FTCDNL1: variants seen among roughly 807,000 people sequenced by gnomAD.
The protein encoded by FTCDNL1 is formiminotransferase N-terminal subdomain-containing protein.
In FTCDNL1, 11 loss-of-function variants were observed where a neutral mutation model predicts 5.9. The observed-to-expected ratio is 1.87, with a 90% confidence interval of 1.18 to 3.10. FTCDNL1 has a LOEUF of 3.10. Ranked by LOEUF, FTCDNL1 falls within the 30% of genes most tolerant of loss-of-function variation. The probability of loss-of-function intolerance (pLI) is 0.00; values close to 1 mark genes in which losing one functional copy is unlikely to be tolerated. For synonymous variants in FTCDNL1, 58 were observed against 24.8 expected (o/e 2.34, Z -3.99); for missense variants, 115 against 65.5 (o/e 1.76, Z -2.61).
chr2:199,735,943 C>T, the FTCDNL1 span, among the ~76,000 whole-genome samples: 4 of 152,216 alleles, frequency 2.6e-5, no homozygotes, highest in African/African-American at 9.7e-5. Flanking sequence ...TGTCTATGTA[C>T]ACTACCCTCT....
the FTCDNL1 span, among the ~76,000 whole-genome samples, chr2:199,709,758 T>G: frequency 6.6e-6 from 1 of 152,190 alleles, no homozygotes; most frequent in East Asian, 1.9e-4. Context: ...CAAGTTTTGC[T>G]GACGAGGGAG....
chr2:199,743,083 A>T, the FTCDNL1 span, among the ~76,000 whole-genome samples: 5 of 152,282 alleles, frequency 3.3e-5, no homozygotes, highest in South Asian at 2.1e-4. Flanking sequence ...TCCCTAGGGC[A>T]ATGGGAATAT....
the FTCDNL1 span, among the ~76,000 whole-genome samples, chr2:199,693,654 T>C: frequency 2.6e-5 from 4 of 152,220 alleles, no homozygotes; most frequent in East Asian, 5.8e-4. Flanking sequence ...ATTAACCATA[T>C]GACCTTACTG....
chr2:199,666,910 CAA>C, the FTCDNL1 span, among the ~76,000 whole-genome samples: 17 of 99,346 alleles, frequency 1.7e-4, no homozygotes, highest in Admixed American at 1.1e-4. Flanking sequence ...GAGTCCATCT[CAA>C]AAAAAAAAAA....
At chr2:199,673,137 G>T in the FTCDNL1 span, among the ~76,000 whole-genome samples, 2 of 151,944 alleles carry the variant, frequency 1.3e-5, no homozygotes, top group African/African-American at 4.8e-5. Flanking sequence ...AGATCAGCCT[G>T]GTCAACATGG....
At chr2:199,840,192 T>C (rs181171666) in intron 3 of FTCDNL1, among the ~76,000 whole-genome samples, 1 of 152,326 alleles carries the variant, frequency 6.6e-6, no homozygotes, top group Non-Finnish European at 1.5e-5. Flanking sequence ...GTGTTCTATC[T>C]GAATGCATGG....
rs891284361 is a variant in FTCDNL1 at position 199,850,814 on chromosome 2, G to A, written c.-82C>T. The A allele has an allele frequency of 6.6e-6, 1 of 152,410 alleles. No homozygotes were observed. Among genetic ancestry groups the A allele is most frequent in the East Asian group, 1.9e-4 (1 of 5,196 alleles). 9.4% of individuals were successfully genotyped at this position (152,410 alleles called of 1,614,324 possible). A position where few individuals can be genotyped will look rare whatever the true frequency, so the allele number is the denominator to read the frequency against. ...TCGCCAGGCTGCCGCAACGCGTGCTGGGGCCAGAACCCCGCTGCTGGGATT... is the reference window on the plus strand; with the variant it reads ...TCGCCAGGCTGCCGCAACGCGTGCTAGGGCCAGAACCCCGCTGCTGGGATT... On this transcript the variant is annotated 5_prime_UTR_variant, in exon 1 of 5. Transcript: ENST00000420128.
At chr2:199,731,592 G>C in the FTCDNL1 span, among the ~76,000 whole-genome samples, 2 of 152,130 alleles carry the variant, frequency 1.3e-5, no homozygotes, top group Admixed American at 6.5e-5. Flanking sequence ...AGAATTAAGA[G>C]CTAATAAATT....
intron 3 of FTCDNL1, among the ~76,000 whole-genome samples, chr2:199,835,104 G>A (rs62178318): frequency 0.068 from 10,372 of 152,220 alleles, 501 homozygotes; most frequent in Middle Eastern, 0.1. Flanking sequence ...CTTGAGCCCA[G>A]GAGGTCAAGG....
At chr2:199,703,159 C>T in the FTCDNL1 span, among the ~76,000 whole-genome samples, 1 of 151,924 alleles carries the variant, frequency 6.6e-6, no homozygotes, top group Non-Finnish European at 1.5e-5. Context: ...CACCCATTAA[C>T]TCATCATTTA....
chr2:199,747,435 G>A, the FTCDNL1 span, among the ~76,000 whole-genome samples: 1 of 152,150 alleles, frequency 6.6e-6, no homozygotes, highest in African/African-American at 2.4e-5. Context: ...CCTCGAGCCT[G>A]TCTGTGTTCA....
the FTCDNL1 span, among the ~76,000 whole-genome samples, chr2:199,743,432 G>A: frequency 6.6e-6 from 1 of 152,214 alleles, no homozygotes; most frequent in Non-Finnish European, 1.5e-5. Flanking sequence ...AAACCAGACT[G>A]TTTACCTCTT....
the FTCDNL1 span, among the ~76,000 whole-genome samples, chr2:199,680,235 A>G: frequency 3.3e-5 from 5 of 152,342 alleles, no homozygotes; most frequent in South Asian, 8.3e-4. Context: ...TGTAACCTCA[A>G]TATAAGCAAA....
At chr2:199,738,232 A>G in the FTCDNL1 span, among the ~76,000 whole-genome samples, 1 of 152,246 alleles carries the variant, frequency 6.6e-6, no homozygotes, top group Non-Finnish European at 1.5e-5. Context: ...TGGCTCATTC[A>G]GAAGCTCTTG....
At chr2:199,837,722 T>C (rs924250153) in intron 3 of FTCDNL1, among the ~76,000 whole-genome samples, 7 of 152,206 alleles carry the variant, frequency 4.6e-5, no homozygotes, top group South Asian at 2.1e-4. Flanking sequence ...ATGTTTTATA[T>C]ATTTTTTTAA....
At chr2:199,817,539 G>A (rs1341992181) in intron 4 of FTCDNL1, among the ~76,000 whole-genome samples, 2 of 151,980 alleles carry the variant, frequency 1.3e-5, no homozygotes, top group Non-Finnish European at 2.9e-5. Flanking sequence ...ATAATCCCAG[G>A]ACTTTGGGAG....
At chr2:199,698,833 T>C in the FTCDNL1 span, among the ~76,000 whole-genome samples, 2 of 151,820 alleles carry the variant, frequency 1.3e-5, no homozygotes, top group Non-Finnish European at 2.9e-5. Context: ...AAGGCAAAAA[T>C]TGGTTCTTTG....
chr2:199,809,070 C>A (rs146452279), downstream of FTCDNL1, among the ~76,000 whole-genome samples: 1 of 152,146 alleles, frequency 6.6e-6, no homozygotes, highest in Non-Finnish European at 1.5e-5. Flanking sequence ...AAATTCCTCA[C>A]GTCTAAAAAC....
chr2:199,796,291 A>T (rs886898513), intron 3 of FTCDNL1, among the ~76,000 whole-genome samples: 1 of 152,232 alleles, frequency 6.6e-6, no homozygotes, highest in African/African-American at 2.4e-5. Flanking sequence ...TACCTGAGTT[A>T]TTTAGAATAG....
Sources: allele counts gnomAD v4.1 joint callset (sites outside exome capture counted in the v4.1 genomes callset), GRCh38; gene constraint gnomAD v4.1.1; transcripts MANE v1.5; gene names NCBI Gene and HGNC (gene_info 2026-07-23, HGNC 2026-07-21).